Variants in CNIH4 observed in about 807,000 individuals in gnomAD.
CNIH4 encodes the protein cornichon family member 4.
A neutral mutation model predicts 21.5 loss-of-function variants in CNIH4; 9 were observed. The observed-to-expected ratio is 0.42, with a 90% CI of 0.25 to 0.73. CNIH4 has a LOEUF of 0.73. Among genes scored for constraint, CNIH4 ranks in the 30% least tolerant of loss-of-function variants. The pLI is 0.27. For missense variants in CNIH4, 159 were observed against 170.0 expected (o/e 0.94, Z 0.36); for synonymous variants, 67 against 59.1 (o/e 1.13, Z -0.61).
Position 224,375,831 on chromosome 1 carries a change from A to G in CNIH4, c.*9A>G, listed in dbSNP as rs202001860. 29 of 1,613,956 alleles carry G rather than the reference A, an allele frequency of 1.8e-5. No homozygotes were observed. The highest frequency in any genetic ancestry group is 2.3e-5 in the Non-Finnish European group (27 of 1,179,988). ...CTTTGATAAATGACTGAAGCTGGAGAAGCCGTGGTTGAAGTCAGCCTACAC... is the reference window on the plus strand; with the variant it reads ...CTTTGATAAATGACTGAAGCTGGAGGAGCCGTGGTTGAAGTCAGCCTACAC... On this transcript the variant is annotated 3_prime_UTR_variant, in exon 5 of 5. Transcript: ENST00000465271.
chr1:224,363,628 T>C (rs947678334), intron 2 of CNIH4, among the ~76,000 whole-genome samples: 1 of 152,158 alleles, frequency 6.6e-6, no homozygotes, highest in Non-Finnish European at 1.5e-5. Flanking sequence ...CCTGGCTGAT[T>C]ATAGTATTTT....
intron 1 of CNIH4, among the ~76,000 whole-genome samples, chr1:224,358,134 C>CA (rs1672171139): frequency 6.6e-6 from 1 of 152,208 alleles, no homozygotes; most frequent in Non-Finnish European, 1.5e-5. Context: ...AATTTGGAAT[C>CA]AGATTTCCTG....
intron 2 of CNIH4, among the ~76,000 whole-genome samples, chr1:224,362,590 C>T (rs959567932): frequency 5.3e-5 from 8 of 149,664 alleles, no homozygotes; most frequent in African/African-American, 1.5e-4. Flanking sequence ...CCCCGGTTCA[C>T]GCCATTCTCC....
At position 224,379,316 on chromosome 1, in the gene CNIH4, A is replaced by G. The variant is rs1672857528; in HGVS notation, c.*3494A>G. ...CTGGTATTACAGTTATTTGTATGCA[A>G]TTAATCACTCTTAGATTGTATGTTC... On this transcript the variant is annotated 3_prime_UTR_variant, in exon 5 of 5. Coordinates refer to ENST00000465271, the MANE Select transcript of CNIH4 (RefSeq NM_014184.4). 18 of 575,566 alleles carry G rather than the reference A, an allele frequency of 3.1e-5. 1 individual carries two copies. Among genetic ancestry groups the G allele is most frequent in the East Asian group, 5.9e-5 (2 of 34,060 alleles). The allele number at this position is 575,566 out of a possible 1,614,324, so 35.7% of individuals were successfully genotyped here.
In CNIH4 at chr1:224,378,155, A is replaced by C. The variant is rs1358109980; in HGVS notation, c.*2333A>C. 1 of 152,254 alleles carries C rather than the reference A, an allele frequency of 6.6e-6. No homozygotes were observed. The highest frequency in any genetic ancestry group is 6.6e-5 in the Admixed American group (1 of 15,254). The allele number at this position is 152,254 out of a possible 1,614,324, so 9.4% of individuals were successfully genotyped here. A position where few individuals can be genotyped will look rare whatever the true frequency, so the allele number is the denominator to read the frequency against. On this transcript the variant is annotated 3_prime_UTR_variant, in exon 5 of 5. Coordinates refer to ENST00000465271, the MANE Select transcript of CNIH4 (RefSeq NM_014184.4). ...CTGCAGCCTTGAACTCCTGGACTCA[A>C]GCAGTCCTCCTGCCTCAGCTTCCCA...
intron 2 of CNIH4, chr1:224,364,136 C>T (rs1572123265): frequency 1.0e-6 from 1 of 984,494 alleles, no homozygotes; most frequent in Non-Finnish European, 1.2e-6. Context: ...ACACCTGTCC[C>T]CAGTACTTTG....
intron 4 of CNIH4, among the ~76,000 whole-genome samples, chr1:224,371,669 A>T (rs1396471452): frequency 1.3e-5 from 2 of 152,226 alleles, no homozygotes; most frequent in Non-Finnish European, 2.9e-5. Context: ...AAAACAGGGC[A>T]CGGTGACTTA....
chr1:224,367,473 G>A (rs868273292), intron 3 of CNIH4, among the ~76,000 whole-genome samples: 1 of 151,614 alleles, frequency 6.6e-6, no homozygotes, highest in East Asian at 1.9e-4. Context: ...CCCTGGGGTC[G>A]AATTTTTTGT....
intron 2 of CNIH4, chr1:224,364,003 A>G: frequency 1.0e-6 from 1 of 967,504 alleles, no homozygotes; most frequent in Non-Finnish European, 1.2e-6. Context: ...AATTCGGGGA[A>G]GGGCATATCG....
At chr1:224,357,248 G>C (rs1290608948) in intron 1 of CNIH4, 1 of 405,006 alleles carries the variant, frequency 2.5e-6, no homozygotes, top group Non-Finnish European at 4.4e-6. Context: ...ACTCGGGTCC[G>C]AGTGGGCCTC....
In CNIH4 at chr1:224,360,551, A is replaced by G; in HGVS notation, c.126A>G (p.Ser42=). Residue 42 remains serine, a synonymous_variant, in exon 2 of 5, where the codon TCA becomes TCG. Transcript: ENST00000465271. ...CDYINARSCC[S]KLNKWVIPEL... ...ACATTAATGCTAGATCATGTTGCTC[A>G]AAATTAAACAAGGTAAGACATTTCT... 1 of 1,477,286 alleles carries G rather than the reference A, an allele frequency of 6.8e-7. No homozygotes were observed. The highest frequency in any genetic ancestry group is 9.0e-7 in the Non-Finnish European group (1 of 1,106,204). The allele number at this position is 1,477,286 out of a possible 1,614,324, so 91.5% of individuals were successfully genotyped here.
At position 224,373,399 on chromosome 1, in the gene CNIH4, C is replaced by T. The variant is rs972095960; in HGVS notation, c.392+1976C>T. Among the ~76,000 whole-genome samples the T allele has an allele frequency of 1.2e-4, 19 of 152,150 alleles. 1 individual carries two copies. Among genetic ancestry groups the T allele is most frequent in the African/African-American group, 3.4e-4 (14 of 41,446 alleles). Reference sequence around the variant, plus strand: ...AACTAGAGCAGGCATCTCCTGGGGGCGGTGCTGTAGGTACAGCCCACGTAG... The same window carrying T: ...AACTAGAGCAGGCATCTCCTGGGGGTGGTGCTGTAGGTACAGCCCACGTAG... On this transcript the variant is annotated intron_variant, in intron 4 of 4. Coordinates refer to ENST00000465271, the MANE Select transcript of CNIH4 (RefSeq NM_014184.4).
intron 3 of CNIH4, among the ~76,000 whole-genome samples, chr1:224,366,887 C>T (rs575589891): frequency 9.3e-5 from 14 of 151,176 alleles, no homozygotes; most frequent in East Asian, 3.9e-4. Context: ...GGCGTGAAGC[C>T]GGGAGGCGGA....
chr1:224,367,747 C>T (rs913058044), intron 3 of CNIH4, among the ~76,000 whole-genome samples: 8 of 152,170 alleles, frequency 5.3e-5, no homozygotes, highest in East Asian at 1.9e-4. Flanking sequence ...CATAGACCAA[C>T]GCCCTAAAGT....
At chr1:224,369,458 C>T (rs1234601529) in intron 3 of CNIH4, among the ~76,000 whole-genome samples, 1 of 152,044 alleles carries the variant, frequency 6.6e-6, no homozygotes, top group Non-Finnish European at 1.5e-5. Context: ...CACCTGTAAT[C>T]CCAGCTACTC....
intron 1 of CNIH4, among the ~76,000 whole-genome samples, chr1:224,359,425 A>G (rs908115671): frequency 6.6e-6 from 1 of 152,208 alleles, no homozygotes; most frequent in Non-Finnish European, 1.5e-5. Context: ...AGGACCTACA[A>G]ATGAGTGATT....
At chr1:224,359,578 C>A (rs1330078614) in intron 1 of CNIH4, among the ~76,000 whole-genome samples, 3 of 152,078 alleles carry the variant, frequency 2.0e-5, no homozygotes, top group Admixed American at 6.6e-5. Flanking sequence ...ATTTTATTTT[C>A]ATGTTTATTT....
At position 224,360,443 on chromosome 1, in the gene CNIH4, A is replaced by G. The variant is rs562505941; in HGVS notation, c.70-52A>G. On this transcript the variant is annotated intron_variant, in intron 1 of 4. Coordinates refer to ENST00000465271, the MANE Select transcript of CNIH4 (RefSeq NM_014184.4). Reference sequence around the variant, plus strand: ...AACTGGGATTGCTTTCTGAAACTTAAATACTTAGTTATTATAAAAGAAATA... The same window carrying G: ...AACTGGGATTGCTTTCTGAAACTTAGATACTTAGTTATTATAAAAGAAATA... The G allele has an allele frequency of 1.4e-4, 127 of 930,836 alleles. 1 individual carries two copies. In the South Asian group the frequency reaches 2.4e-3, roughly 18 times the overall value. 57.7% of individuals were successfully genotyped at this position (930,836 alleles called of 1,614,324 possible).
chr1:224,365,738 A>T, intron 2 of CNIH4, 141 bp from the exon 3 acceptor site: 1 of 656,564 alleles, frequency 1.5e-6, no homozygotes, highest in South Asian at 1.8e-5. Flanking sequence ...CAGTATGCAA[A>T]TCTGGGACAT....
Sources: allele counts gnomAD v4.1 joint callset (sites outside exome capture counted in the v4.1 genomes callset), GRCh38; gene constraint gnomAD v4.1.1; transcripts MANE v1.5; gene names NCBI Gene and HGNC (gene_info 2026-07-23, HGNC 2026-07-21).